Variants in TNR observed in about 807,000 individuals in gnomAD.
TNR encodes the protein tenascin R.
In TNR, 45 loss-of-function variants were observed where a neutral mutation model predicts 150.4. The ratio of observed to expected loss-of-function variants is 0.30; its 90% CI spans 0.24 to 0.38. The LOEUF (loss-of-function observed/expected upper bound fraction) is 0.38, where lower values mean the gene tolerates loss of function less well. Among genes scored for constraint, TNR ranks in the 10% least tolerant of loss-of-function variants. The pLI is 1.00. For missense variants in TNR, 1,544 were observed against 1,759.1 expected, an observed-to-expected ratio of 0.88 and a Z score of 2.19; for synonymous variants, 687 against 678.4, an observed-to-expected ratio of 1.01 and a Z score of -0.20.
At chr1:175,408,180 G>A (rs991236951) in intron 2 of TNR, among the ~76,000 whole-genome samples, 2 of 152,252 alleles carry the variant, frequency 1.3e-5, no homozygotes, top group South Asian at 2.1e-4. Flanking sequence ...AGTCCTTGTC[G>A]GTCAGACCGT....
intron 21 of TNR, among the ~76,000 whole-genome samples, chr1:175,328,754 A>G (rs1319581295): frequency 1.3e-5 from 2 of 152,118 alleles, no homozygotes; most frequent in African/African-American, 4.8e-5. Flanking sequence ...GCTGGAACAG[A>G]GGGAGCAAGG....
intron 21 of TNR, among the ~76,000 whole-genome samples, chr1:175,327,447 G>A (rs777688521): frequency 5.1e-4 from 77 of 152,010 alleles, no homozygotes; most frequent in Admixed American, 1.0e-3. Flanking sequence ...TATGTTCTTC[G>A]CTCGGACTTA....
rs144032907 is a variant in TNR, at chr1:175,533,484, C to T, written c.-164-5115G>A. The stretch of plus-strand genomic sequence containing the variant: ...CCCGACACCACCCTGTTTTGTAAAT[C>T]CAGGGAAGGGCTCAGCCTTGGCTAT... On this transcript the variant is annotated intron_variant, in intron 1 of 22. Coordinates refer to ENST00000367674, the MANE Select transcript of TNR (RefSeq NM_003285.3). Among the ~76,000 whole-genome samples, 1,066 of 152,242 alleles carry T rather than the reference C, an allele frequency of 7.0e-3. 7 individuals carry two copies. Among genetic ancestry groups the T allele is most frequent in the Non-Finnish European group, 1.0e-2 (679 of 68,012 alleles).
intron 1 of TNR, among the ~76,000 whole-genome samples, chr1:175,607,515 C>T (rs1047547331): frequency 4.6e-5 from 7 of 152,206 alleles, no homozygotes; most frequent in African/African-American, 1.7e-4. Context: ...GCTCTGCTTT[C>T]CTGACCTATA....
chr1:175,562,753 G>T (rs1661481768), intron 1 of TNR, among the ~76,000 whole-genome samples: 5 of 152,202 alleles, frequency 3.3e-5, no homozygotes, highest in African/African-American at 2.4e-5. Flanking sequence ...GGGACAGAGG[G>T]ATTTGGCTGG....
chr1:175,559,890 C>T (rs544196099), intron 1 of TNR, among the ~76,000 whole-genome samples: 2 of 152,284 alleles, frequency 1.3e-5, no homozygotes, highest in South Asian at 2.1e-4. Flanking sequence ...TTATGGCAAC[C>T]TTCTGAGATG....
intron 1 of TNR, among the ~76,000 whole-genome samples, chr1:175,596,836 A>G (rs1663026383): frequency 6.6e-6 from 1 of 152,184 alleles, no homozygotes; most frequent in Non-Finnish European, 1.5e-5. Context: ...GCTTTTTTGT[A>G]AGCAGACAAA....
At chr1:175,490,733 G>T (rs1270069861) in intron 2 of TNR, among the ~76,000 whole-genome samples, 1 of 152,174 alleles carries the variant, frequency 6.6e-6, no homozygotes, top group Non-Finnish European at 1.5e-5. Flanking sequence ...ATGCTAGCAA[G>T]ATTGTGAAGA....
intron 22 of TNR, 60 bp from the exon 23 acceptor site, chr1:175,323,536 A>C (rs34842046): frequency 6.3e-7 from 1 of 1,589,310 alleles, no homozygotes; most frequent in Admixed American, 1.7e-5. Flanking sequence ...CCCCACTTCA[A>C]AAAAGGGGTA....
chr1:175,486,037 A>G (rs536756727), intron 2 of TNR, among the ~76,000 whole-genome samples: 74 of 152,252 alleles, frequency 4.9e-4, no homozygotes, highest in Middle Eastern at 6.8e-3. Context: ...GTTTCACCAG[A>G]GAAGACAATT....
chr1:175,699,896 A>G (rs1043486013), intron 1 of TNR, among the ~76,000 whole-genome samples: 6 of 151,892 alleles, frequency 4.0e-5, no homozygotes, highest in African/African-American at 1.5e-4. Context: ...TATTTGTATC[A>G]CTAGCTGATA....
intron 20 of TNR, among the ~76,000 whole-genome samples, chr1:175,331,103 C>CCTTCTTTCTTTCTTTCTTTCTT (rs1557868278): frequency 1.8e-5 from 1 of 55,788 alleles, no homozygotes. Context: ...CTTTCTTTCT[C>CCTTCTTTCTTTCTTTCTTTCTT]TCTCTCTTTC....
chr1:175,547,690 G>GA (rs1026641171), intron 1 of TNR, among the ~76,000 whole-genome samples: 1 of 151,732 alleles, frequency 6.6e-6, no homozygotes, highest in African/African-American at 2.4e-5. Context: ...GAGAAAGAAA[G>GA]AAAAAAGAAA....
At chr1:175,717,319 AAACT>A (rs2101941072) in intron 1 of TNR, among the ~76,000 whole-genome samples, 2 of 152,266 alleles carry the variant, frequency 1.3e-5, no homozygotes, top group South Asian at 4.1e-4. Context: ...AAGGGTTGAA[AAACT>A]AACTATTGGG....
Position 175,406,566 on chromosome 1 carries a change from C to T in TNR, c.149G>A (p.Gly50Asp). 1 of 1,614,162 alleles carries T rather than the reference C, an allele frequency of 6.2e-7. No homozygotes were observed. Among genetic ancestry groups the T allele is most frequent in the Non-Finnish European group, 8.5e-7 (1 of 1,180,012 alleles). The change falls in exon 3 of 23, where the codon GGC becomes GAC. Residue 50 changes from glycine (G) to aspartate (D), a missense_variant. This residue lies in a region of TNR where 1,254 missense variants were observed against 1,329.4 expected (regional missense o/e 0.94). Coordinates refer to ENST00000367674, the MANE Select transcript of TNR (RefSeq NM_003285.3). ...GCTGGATGTGTTGTAGTTGGCAATG[C>T]CTCCCTCCTCCTCCACTGACTGTCT... ...VQRQSVEEEG[G>D]IANYNTSSKE... is the part of the protein sequence containing the mutation.
At chr1:175,330,405 GA>G (rs1649679675) in intron 20 of TNR, 170 bp from the exon 21 acceptor site, 2 of 653,368 alleles carry the variant, frequency 3.1e-6, no homozygotes, top group East Asian at 3.0e-5. Flanking sequence ...CTGCCAGACT[GA>G]ATTTCTTCCT....
intron 1 of TNR, among the ~76,000 whole-genome samples, chr1:175,715,729 C>A (rs968989618): frequency 1.3e-5 from 2 of 152,156 alleles, no homozygotes; most frequent in African/African-American, 4.8e-5. Flanking sequence ...AATAGGAATT[C>A]ATCTTTGGGA....
intron 2 of TNR, among the ~76,000 whole-genome samples, chr1:175,423,620 C>T (rs973390778): frequency 6.6e-6 from 1 of 152,156 alleles, no homozygotes; most frequent in African/African-American, 2.4e-5. Context: ...GTCCCTGAAA[C>T]TAGACCCTAA....
intron 2 of TNR, among the ~76,000 whole-genome samples, chr1:175,508,699 T>C (rs1303795485): frequency 1.3e-5 from 2 of 152,186 alleles, no homozygotes; most frequent in Non-Finnish European, 2.9e-5. Flanking sequence ...TTGAGATGAC[T>C]GCATCCCCAG....
Sources: gnomAD v4.1 joint callset for allele counts (sites outside exome capture counted in the v4.1 genomes callset) on GRCh38, gnomAD v4.1.1 for gene constraint, gnomAD v4.1.1 regional missense constraint, MANE v1.5 for transcripts, NCBI Gene and HGNC (gene_info 2026-07-23, HGNC 2026-07-21) for gene names.